The following PLOD3 variants were observed in gnomAD, a reference collection of about 807,000 sequenced individuals.
The protein encoded by PLOD3 is multifunctional procollagen lysine hydroxylase and glycosyltransferase LH3.
PLOD3 carries 73 observed loss-of-function variants against 96.9 expected under a neutral mutation model. The ratio of observed to expected loss-of-function variants is 0.75; its 90% CI spans 0.62 to 0.92. PLOD3 has a LOEUF of 0.92. Ranked by LOEUF, PLOD3 falls within the 40% of genes least tolerant of loss-of-function variation. The pLI, the probability that PLOD3 is intolerant of heterozygous loss-of-function variation, is 0.00. For synonymous variants in PLOD3, 454 were observed against 413.7 expected (o/e 1.10, Z -1.18); for missense variants, 1,004 against 1,004.3 (o/e 1.00, Z 0.00).
intron 18 of PLOD3, 126 bp downstream of exon 18, chr7:101,206,653 G>T: frequency 8.4e-7 from 1 of 1,192,896 alleles, no homozygotes; most frequent in Middle Eastern, 2.6e-4. Context: ...CGATCCAGGA[G>T]CTGATACCCA....
In PLOD3 at chr7:101,210,141, G is replaced by C. The variant is rs986773012; in HGVS notation, c.1635C>G (p.Ile545Met). The change falls in exon 15 of 19, where the codon ATC (isoleucine) becomes ATG (methionine). Residue 545 changes from isoleucine to methionine, a missense_variant. This residue lies in a region of PLOD3 where 65 missense variants were observed against 68.8 expected (regional missense o/e 0.94). Coordinates refer to ENST00000223127, the MANE Select transcript of PLOD3 (RefSeq NM_001084.5). ...DNPVDWKEQY[I>M]HENYSRALEG... ...CCAGGGCCCGGCTGTAGTTCTCGTG[G>C]ATGTACTGCTCCTTCCAGTCCTGTG... The C allele has an allele frequency of 7.5e-6, 12 of 1,608,092 alleles. No homozygotes were observed. Among genetic ancestry groups the C allele is most frequent in the Non-Finnish European group, 1.0e-5 (12 of 1,177,340 alleles).
Position 101,210,529 on chromosome 7 carries a change from C to T in PLOD3, c.1500+3G>A. On this transcript the variant is annotated splice_donor_region_variant and intron_variant, in intron 13 of 18. Coordinates refer to ENST00000223127, the MANE Select transcript of PLOD3 (RefSeq NM_001084.5). ...CCAGGCCAGACCGTGCACCCGCGCT[C>T]ACCTTGTCTCGAAAGCTCTTACAGA... The T allele has an allele frequency of 6.2e-7, 1 of 1,614,200 alleles. No individual in the cohort carries two copies. The highest frequency in any genetic ancestry group is 8.5e-7 in the Non-Finnish European group (1 of 1,180,028).
chr7:101,217,392 G>A lies in PLOD3; in HGVS notation c.-118C>T. On this transcript the variant is annotated 5_prime_UTR_variant, in exon 1 of 19. Coordinates refer to ENST00000223127, the MANE Select transcript of PLOD3 (RefSeq NM_001084.5). ...GCTCGGGCTGCTGTGCGGCCGCCGC[G>A]GGGAGCAGCTTGGCTGGGGCTACGC... 9.4e-7 allele frequency: 1 copy of A among 1,060,802 alleles called. No homozygotes were observed. The highest frequency in any genetic ancestry group is 1.2e-6 in the Non-Finnish European group (1 of 804,358). 65.7% of individuals were successfully genotyped at this position (1,060,802 alleles called of 1,614,324 possible).
rs762672151 is a variant in PLOD3 at position 101,212,602 on chromosome 7, C to G, written c.933G>C (p.Leu311=). 6.2e-7 allele frequency: 1 copy of G among 1,613,754 alleles called. No individual in the cohort carries two copies. Among genetic ancestry groups the G allele is most frequent in the Non-Finnish European group, 8.5e-7 (1 of 1,179,862 alleles). The change falls in exon 9 of 19, where the codon CTG becomes CTC. Residue 311 remains leucine, a synonymous_variant. Coordinates refer to ENST00000223127, the MANE Select transcript of PLOD3 (RefSeq NM_001084.5). The part of the protein sequence containing the change: ...AVFVEQPTPF[L]PRFLQRLLLL... Reference sequence around the variant, plus strand: ...GTAGCAGCCGCTGCAGGAAGCGGGGCAGAAACGGAGTAGGCTGTTCCACAA... The same window carrying G: ...GTAGCAGCCGCTGCAGGAAGCGGGGGAGAAACGGAGTAGGCTGTTCCACAA...
intron 4 of PLOD3, 22 bp from the exon 5 acceptor site, chr7:101,216,042 G>C (rs1200864914): frequency 5.0e-6 from 8 of 1,608,920 alleles, no homozygotes; most frequent in Non-Finnish European, 6.8e-6. Flanking sequence ...GGGGAGTGTT[G>C]ACCTCGAGAC....
In PLOD3 at chr7:101,216,032, G is replaced by C. The variant is rs777180483; in HGVS notation, c.503-12C>G. On this transcript the variant is annotated splice_polypyrimidine_tract_variant and intron_variant, in intron 4 of 18. Coordinates refer to ENST00000223127, the MANE Select transcript of PLOD3 (RefSeq NM_001084.5). ...AAAACCGATGAATCCTGGCGGGGAG[G>C]GGGAGTGTTGACCTCGAGACTCCCA... The C allele has an allele frequency of 5.0e-6, 8 of 1,611,426 alleles. No homozygotes were observed. The African/African-American group carries it at 8.0e-5, about 16-fold the overall frequency.
rs1314652049 is a variant in PLOD3, at chr7:101,217,478, G to C, written c.-204C>G. The C allele has an allele frequency of 3.8e-6, 2 of 527,358 alleles. No homozygotes were observed. Among genetic ancestry groups the C allele is most frequent in the East Asian group, 6.7e-5 (2 of 29,840 alleles). 32.7% of individuals were successfully genotyped at this position (527,358 alleles called of 1,614,324 possible). On this transcript the variant is annotated 5_prime_UTR_variant, in exon 1 of 19. Coordinates refer to ENST00000223127, the MANE Select transcript of PLOD3 (RefSeq NM_001084.5). ...CTCCAGATGCCGGCGCCACAGACAA[G>C]GCGAGGATTGTCCCGGGCGCACGGG...
intron 15 of PLOD3, among the ~76,000 whole-genome samples, 164 bp from the exon 16 acceptor site, chr7:101,209,121 C>T (rs553284348): frequency 1.8e-4 from 27 of 152,002 alleles, no homozygotes; most frequent in Admixed American, 1.5e-3. Context: ...GGCTGAGGAC[C>T]GGTTTCTGGC....
chr7:101,215,911 C>T lies in PLOD3; in HGVS notation c.612G>A (p.Leu204=). ...FYTRLYLDPG[L]REKLSLNLDH... ...CCCACTCCTCTGCCTTCCCTACCCT[C>T]AGTCCTGGGTCCAGGTAGAGCCGTG... The change falls in exon 5 of 19, where the codon CTG becomes CTA. Residue 204 remains leucine, a synonymous_variant. Coordinates refer to ENST00000223127, the MANE Select transcript of PLOD3 (RefSeq NM_001084.5). The T allele has an allele frequency of 1.9e-6, 3 of 1,604,836 alleles. No homozygotes were observed. The highest frequency in any genetic ancestry group is 2.6e-6 in the Non-Finnish European group (3 of 1,171,596).
intron 5 of PLOD3, 57 bp downstream of exon 5, chr7:101,215,851 C>T: frequency 8.3e-7 from 1 of 1,205,286 alleles, no homozygotes; most frequent in Non-Finnish European, 1.2e-6. Context: ...CCCATTCAGC[C>T]TGAGGCCTCC....
In PLOD3 at chr7:101,211,724, C is replaced by T; in HGVS notation, c.1233-8G>A. 1 of 1,601,462 alleles carries T rather than the reference C, an allele frequency of 6.2e-7. No homozygotes were observed. Among genetic ancestry groups the T allele is most frequent in the Non-Finnish European group, 8.5e-7 (1 of 1,174,882 alleles). ...ATGGGGGCGATCACCTTCCTGCGGA[C>T]AGGTGGGGGTGAGGGCTGGGCAGAC... On this transcript the variant is annotated splice_region_variant and splice_polypyrimidine_tract_variant and intron_variant, in intron 11 of 18. Transcript: ENST00000223127.
At position 101,213,127 on chromosome 7, in the gene PLOD3, G is replaced by C. The variant is rs1279584601; in HGVS notation, c.757C>G (p.His253Asp). Residue 253 changes from histidine (H) to aspartate (D), a missense_variant, in exon 7 of 19, where the codon CAT becomes GAT. Physicochemically the swap from His to Asp is moderately conservative, Grantham distance 81. Coordinates refer to ENST00000223127, the MANE Select transcript of PLOD3 (RefSeq NM_001084.5). Reference protein sequence around the residue: ...VAYDTLPIVVHGNGPTKLQLN... With the variant: ...VAYDTLPIVVDGNGPTKLQLN... The stretch of plus-strand genomic sequence containing the variant: ...GGCACCTTAGTGGGACCGTTTCCAT[G>C]GACCACAATGGGGAGCGTGTCGTAG... The C allele has an allele frequency of 6.2e-7, 1 of 1,612,686 alleles. No homozygotes were observed. Among genetic ancestry groups the C allele is most frequent in the African/African-American group, 1.3e-5 (1 of 74,844 alleles).
At chr7:101,211,797 C>T (rs756036929) in intron 11 of PLOD3, 49 bp downstream of exon 11, 255 of 1,587,058 alleles carry the variant, frequency 1.6e-4, no homozygotes, top group South Asian at 4.1e-4. Flanking sequence ...GTGGGGTTCC[C>T]GGGGCCTGTT....
chr7:101,217,217 G>C lies in PLOD3; in HGVS notation c.58C>G (p.Pro20Ala), dbSNP rs1798292961. ...GGCCGGTCGGAGGCTGAGGCCGCAG[G>C]GGGCAGCAGCAGCGGCAGCAGCAGC... ...FLLLLPLLLP[P>A]AASASDRPRG... The change falls in exon 1 of 19, where the codon CCT becomes GCT. Residue 20 changes from proline (P) to alanine (A), a missense_variant. By Grantham distance (27) the Pro-to-Ala change is conservative. Around this residue, in one of 5 missense-constraint regions of PLOD3, gnomAD observed 690 missense variants for 650.2 expected, o/e 1.06. Transcript: ENST00000223127. The C allele has an allele frequency of 6.0e-6, 9 of 1,501,144 alleles. No homozygotes were observed. The South Asian group carries it at 1.0e-4, about 17-fold the overall frequency. 93.0% of individuals were successfully genotyped at this position (1,501,144 alleles called of 1,614,324 possible). A position where few individuals can be genotyped will look rare whatever the true frequency, so the allele number is the denominator to read the frequency against.
Position 101,217,326 on chromosome 7 carries a change from G to A in PLOD3, c.-52C>T. The A allele has an allele frequency of 7.4e-7, 1 of 1,352,922 alleles. No homozygotes were observed. Among genetic ancestry groups the A allele is most frequent in the East Asian group, 2.9e-5 (1 of 34,208 alleles). The allele number at this position is 1,352,922 out of a possible 1,614,324, so 83.8% of individuals were successfully genotyped here. A position where few individuals can be genotyped will look rare whatever the true frequency, so the allele number is the denominator to read the frequency against. On this transcript the variant is annotated 5_prime_UTR_variant, in exon 1 of 19. Coordinates refer to ENST00000223127, the MANE Select transcript of PLOD3 (RefSeq NM_001084.5). ...CAGGATCCTGGGATCTCCGCTACGC[G>A]CCTGGATCCCAGCTCCGGAGGGGAG...
At chr7:101,211,103 A>C in intron 12 of PLOD3, 1 of 218,766 alleles carries the variant, frequency 4.6e-6, no homozygotes. Flanking sequence ...CTGGTCTCGA[A>C]CTCCTGACCT....
chr7:101,208,155 C>T (rs549424302), intron 16 of PLOD3, among the ~76,000 whole-genome samples: 17 of 152,132 alleles, frequency 1.1e-4, no homozygotes, highest in Non-Finnish European at 2.2e-4. Context: ...TGGAGTACTG[C>T]GGCATGATCA....
intron 15 of PLOD3, chr7:101,209,694 T>G: frequency 1.1e-5 from 2 of 175,620 alleles, no homozygotes; most frequent in Non-Finnish European, 2.4e-5. Context: ...CCTGGCCTCA[T>G]TTCTTATTTA....
Position 101,217,317 on chromosome 7 carries a change from C to T in PLOD3, c.-43G>A. The T allele has an allele frequency of 7.3e-7, 1 of 1,364,824 alleles. No homozygotes were observed. The highest frequency in any genetic ancestry group is 9.5e-7 in the Non-Finnish European group (1 of 1,057,332). 84.5% of individuals were successfully genotyped at this position (1,364,824 alleles called of 1,614,324 possible). A position where few individuals can be genotyped will look rare whatever the true frequency, so the allele number is the denominator to read the frequency against. On this transcript the variant is annotated 5_prime_UTR_variant, in exon 1 of 19. Transcript: ENST00000223127. Reference sequence around the variant, plus strand: ...GACAGCACCCAGGATCCTGGGATCTCCGCTACGCGCCTGGATCCCAGCTCC... The same window carrying T: ...GACAGCACCCAGGATCCTGGGATCTTCGCTACGCGCCTGGATCCCAGCTCC...
Sources: gnomAD v4.1 joint callset for allele counts (sites outside exome capture counted in the v4.1 genomes callset) on GRCh38, gnomAD v4.1.1 for gene constraint, gnomAD v4.1.1 regional missense constraint, MANE v1.5 for transcripts, NCBI Gene and HGNC (gene_info 2026-07-23, HGNC 2026-07-21) for gene names.